Variants in DYSF observed in about 807,000 individuals in gnomAD.
The protein encoded by DYSF is dystrophy-associated fer-1-like 1.
DYSF carries 212 observed loss-of-function variants against 274.9 expected under a neutral mutation model. The observed-to-expected ratio is 0.77, with a 90% CI of 0.69 to 0.86. DYSF has a LOEUF of 0.86. DYSF is among the 40% of genes least tolerant of loss of function. The pLI, the probability that DYSF is intolerant of heterozygous loss-of-function variation, is 0.00. For synonymous variants in DYSF, 1,091 were observed against 1,078.7 expected (o/e 1.01, Z -0.22); for missense variants, 2,666 against 2,783.2 (o/e 0.96, Z 0.95).
intron 41 of DYSF, among the ~76,000 whole-genome samples, chr2:71,626,551 C>T (rs1315117117): frequency 2.0e-5 from 3 of 151,636 alleles, no homozygotes; most frequent in Non-Finnish European, 4.4e-5. Context: ...AGTACTTAAA[C>T]AACTTTGCAT....
At chr2:71,592,780 T>G (rs965887409) in intron 32 of DYSF, among the ~76,000 whole-genome samples, 4 of 152,218 alleles carry the variant, frequency 2.6e-5, no homozygotes, top group Non-Finnish European at 5.9e-5. Context: ...CCCTCTGCTG[T>G]GCTCTTTGCT....
At chr2:71,485,751 C>T (rs758229623) in intron 3 of DYSF, among the ~76,000 whole-genome samples, 17 of 152,148 alleles carry the variant, frequency 1.1e-4, no homozygotes, top group Non-Finnish European at 2.1e-4. Flanking sequence ...CAAGAATGAA[C>T]GCATGACATT....
At chr2:71,465,339 G>C (rs984523937), upstream of DYSF, among the ~76,000 whole-genome samples, 1 of 152,130 alleles carries the variant, frequency 6.6e-6, no homozygotes, top group African/African-American at 2.4e-5. Flanking sequence ...TGCCGAGGGC[G>C]GGCGTTAGAA....
At position 71,588,767 on chromosome 2, in the gene DYSF, A is replaced by C. The variant is rs144396166; in HGVS notation, c.3403-826A>C. 4.5e-3 allele frequency: 681 copies of C among 152,664 alleles called. 3 individuals carry two copies. Among genetic ancestry groups the C allele is most frequent in the Non-Finnish European group, 8.0e-3 (546 of 68,354 alleles). 9.5% of individuals were successfully genotyped at this position (152,664 alleles called of 1,614,324 possible). On this transcript the variant is annotated intron_variant, in intron 30 of 55. Transcript: ENST00000410020. ...GGGAGAGGAGAGAGGCACATGGAGA[A>C]ATTTGAGTGAGTGCAGAGGGAGCAG...
At chr2:71,555,910 C>G (rs1411199346) in intron 21 of DYSF, 55 bp from the exon 22 acceptor site, 1 of 1,398,352 alleles carries the variant, frequency 7.2e-7, no homozygotes. Context: ...TTGGGTCCAG[C>G]ATGCACCCTC....
chr2:71,493,061 A>ATT (rs11441329), intron 3 of DYSF, among the ~76,000 whole-genome samples: 2,761 of 151,206 alleles, frequency 0.018, 42 homozygotes, highest in Middle Eastern at 0.027. Flanking sequence ...TAATATATAT[A>ATT]TTTTTTTTGT....
intron 41 of DYSF, among the ~76,000 whole-genome samples, chr2:71,642,413 T>C (rs1051540034): frequency 1.1e-4 from 16 of 152,230 alleles, no homozygotes; most frequent in African/African-American, 3.9e-4. Flanking sequence ...GAGTTTGATA[T>C]GTATGTCTGT....
At chr2:71,650,843 A>G (rs940891569) in intron 42 of DYSF, among the ~76,000 whole-genome samples, 2 of 152,232 alleles carry the variant, frequency 1.3e-5, no homozygotes, top group Admixed American at 6.5e-5. Context: ...CTAAAACACT[A>G]CATATTAGAA....
chr2:71,568,385 C>T (rs370010928), intron 26 of DYSF, 47 bp downstream of exon 26: 4 of 1,606,900 alleles, frequency 2.5e-6, no homozygotes, highest in Non-Finnish European at 3.4e-6. Context: ...CCAGGCTGCC[C>T]ACCATGGACT....
chr2:71,571,046 G>GCA (rs1251048190), intron 29 of DYSF: 3 of 417,226 alleles, frequency 7.2e-6, no homozygotes, highest in East Asian at 9.3e-5. Flanking sequence ...ATTACACCCA[G>GCA]CACACACACA....
At chr2:71,620,467 C>G in intron 40 of DYSF, 80 bp from the exon 41 acceptor site, 1 of 1,443,394 alleles carries the variant, frequency 6.9e-7, no homozygotes, top group Non-Finnish European at 9.5e-7. Context: ...GGTCAGAGAG[C>G]GCTACCTCTT....
chr2:71,642,918 T>C (rs2094508266), intron 41 of DYSF, among the ~76,000 whole-genome samples: 1 of 152,228 alleles, frequency 6.6e-6, no homozygotes. Flanking sequence ...AGCAGGCTCC[T>C]GGGAGATCTT....
intron 1 of DYSF, among the ~76,000 whole-genome samples, chr2:71,472,531 C>T (rs979878184): frequency 4.6e-5 from 7 of 152,152 alleles, no homozygotes; most frequent in African/African-American, 1.7e-4. Flanking sequence ...CTCAGCCTCC[C>T]AAGTAGCTGG....
intron 41 of DYSF, among the ~76,000 whole-genome samples, chr2:71,641,821 C>A (rs1230513447): frequency 6.6e-6 from 1 of 152,070 alleles, no homozygotes; most frequent in Non-Finnish European, 1.5e-5. Flanking sequence ...TAAAATTTCT[C>A]ATTTTTCTAG....
chr2:71,520,151 A>G, intron 10 of DYSF, 27 bp from the exon 11 acceptor site: 1 of 1,614,114 alleles, frequency 6.2e-7, no homozygotes, highest in Non-Finnish European at 8.5e-7. Flanking sequence ...CAAGAGTTTG[A>G]TTTGTGTCTC....
At chr2:71,609,256 A>G (rs889739201) in intron 36 of DYSF, among the ~76,000 whole-genome samples, 1 of 152,176 alleles carries the variant, frequency 6.6e-6, no homozygotes, top group Admixed American at 6.5e-5. Flanking sequence ...AGCCCTGTCC[A>G]TCACCCCTGC....
At chr2:71,532,848 CTATCT>C (rs1478110909) in intron 14 of DYSF, among the ~76,000 whole-genome samples, 1 of 143,534 alleles carries the variant, frequency 7.0e-6, no homozygotes, top group East Asian at 1.9e-4. Context: ...ATCTATCTAT[CTATCT>C]ATCTATCTAT....
intron 4 of DYSF, among the ~76,000 whole-genome samples, chr2:71,510,231 A>C (rs1234056322): frequency 6.6e-6 from 1 of 152,238 alleles, no homozygotes; most frequent in East Asian, 1.9e-4. Context: ...AAGTGGAAGA[A>C]AGTCCCAGGA....
chr2:71,516,345 A>C, intron 9 of DYSF, 103 bp downstream of exon 9: 1 of 1,146,990 alleles, frequency 8.7e-7, no homozygotes. Context: ...TGTGCACGTC[A>C]GTGTGAATGC....
Sources: allele counts gnomAD v4.1 joint callset (sites outside exome capture counted in the v4.1 genomes callset), GRCh38; gene constraint gnomAD v4.1.1; transcripts MANE v1.5; gene names NCBI Gene and HGNC (gene_info 2026-07-23, HGNC 2026-07-21).